HACE1: variants seen among roughly 807,000 people sequenced by gnomAD.
The protein encoded by HACE1 is E3 ubiquitin-protein ligase HACE1.
In HACE1, 73 loss-of-function variants were observed where a neutral mutation model predicts 118.4. The ratio of observed to expected loss-of-function variants is 0.62; its 90% CI spans 0.51 to 0.75. The LOEUF is 0.75. HACE1 is among the 30% of genes least tolerant of loss of function. HACE1 has a pLI of 0.00. For synonymous variants in HACE1, 368 were observed against 374.8 expected (o/e 0.98, Z 0.21); for missense variants, 749 against 1,102.2 (o/e 0.68, Z 4.54).
intron 19 of HACE1, 28 bp downstream of exon 19, chr6:104,771,165 T>C (rs767464194): frequency 4.0e-6 from 6 of 1,517,030 alleles, no homozygotes; most frequent in Admixed American, 1.7e-5. Context: ...TTACAAACAA[T>C]GGTTAAGGTA....
At chr6:104,752,232 A>C (rs1778138365) in intron 19 of HACE1, among the ~76,000 whole-genome samples, 1 of 152,206 alleles carries the variant, frequency 6.6e-6, no homozygotes, top group Non-Finnish European at 1.5e-5. Context: ...ATCAGCTACA[A>C]GTCACATACA....
At chr6:104,757,849 T>G (rs1778894333) in intron 19 of HACE1, among the ~76,000 whole-genome samples, 1 of 152,074 alleles carries the variant, frequency 6.6e-6, no homozygotes. Context: ...GAGAAGAGCT[T>G]AAATGACCTG....
At chr6:104,778,357 A>G (rs1204436057) in intron 14 of HACE1, among the ~76,000 whole-genome samples, 3 of 151,884 alleles carry the variant, frequency 2.0e-5, no homozygotes, top group Non-Finnish European at 4.4e-5. Context: ...AAGAGATGTG[A>G]CTAACACAGA....
At chr6:104,730,661 T>A in intron 22 of HACE1, 1 of 468,488 alleles carries the variant, frequency 2.1e-6, no homozygotes. Flanking sequence ...CCACAGCACA[T>A]ACCTCAATAT....
chr6:104,812,481 A>ATT (rs1359503040), intron 6 of HACE1, among the ~76,000 whole-genome samples: 2 of 152,160 alleles, frequency 1.3e-5, no homozygotes, highest in Non-Finnish European at 2.9e-5. Context: ...TTAGACGCTT[A>ATT]TTACTTCTGG....
intron 7 of HACE1, among the ~76,000 whole-genome samples, chr6:104,806,266 C>T (rs1293862872): frequency 1.3e-5 from 2 of 151,948 alleles, no homozygotes; most frequent in Non-Finnish European, 2.9e-5. Flanking sequence ...GTTGAAGACC[C>T]GCTTGGATGA....
intron 1 of HACE1, among the ~76,000 whole-genome samples, chr6:104,856,456 C>T (rs569394485): frequency 2.0e-5 from 3 of 150,272 alleles, no homozygotes; most frequent in Admixed American, 1.3e-4. Flanking sequence ...TTTTTTGAGA[C>T]TGAGTTTCGC....
chr6:104,852,494 A>C (rs1448367437), intron 1 of HACE1, 123 bp from the exon 2 acceptor site: 1 of 653,638 alleles, frequency 1.5e-6, no homozygotes, highest in Non-Finnish European at 2.8e-6. Context: ...GAAGGAGGAA[A>C]GAATAATGCA....
intron 5 of HACE1, among the ~76,000 whole-genome samples, chr6:104,835,315 A>G (rs920848844): frequency 6.6e-6 from 1 of 152,220 alleles, no homozygotes; most frequent in African/African-American, 2.4e-5. Context: ...ATTTTTTTAA[A>G]GCAAAAAGTA....
chr6:104,751,511 C>G (rs771548710), intron 19 of HACE1, among the ~76,000 whole-genome samples: 11 of 152,074 alleles, frequency 7.2e-5, no homozygotes, highest in Non-Finnish European at 1.3e-4. Context: ...TGCCTGTACT[C>G]CTAGTTACTA....
chr6:104,774,080 CTTTTTTTTTTTTTT>C lies in HACE1; in HGVS notation c.1865-2020_1865-2007del, dbSNP rs540039211. Among the ~76,000 whole-genome samples, 8 of 74,844 alleles carry C rather than the reference CTTTTTTTTTTTTTT, an allele frequency of 1.1e-4. 1 individual carries two copies. Among genetic ancestry groups the C allele is most frequent in the African/African-American group, 5.6e-4 (7 of 12,576 alleles). The allele number at this position is 74,844 out of a possible 152,430, so 49.1% of individuals were successfully genotyped here. On this transcript the variant is annotated intron_variant, in intron 17 of 23. Transcript: ENST00000262903. ...CAAAAAATAGGTTATCATCTTTTCT[CTTTTTTTTTTTTTT>C]TTTTTTTTTTTTTGAGACGGAGTCT...
chr6:104,772,396 T>G (rs1343114000), intron 17 of HACE1, among the ~76,000 whole-genome samples: 2 of 151,994 alleles, frequency 1.3e-5, no homozygotes, highest in Non-Finnish European at 2.9e-5. Context: ...CATATACACA[T>G]ACACATACAC....
chr6:104,737,478 G>C (rs1209477932), intron 22 of HACE1, among the ~76,000 whole-genome samples: 1 of 152,094 alleles, frequency 6.6e-6, no homozygotes, highest in Non-Finnish European at 1.5e-5. Flanking sequence ...TGCGCACCGT[G>C]CGCGAGCCGA....
chr6:104,737,616 C>G (rs1252764889), intron 22 of HACE1, among the ~76,000 whole-genome samples: 1 of 152,192 alleles, frequency 6.6e-6, no homozygotes, highest in Non-Finnish European at 1.5e-5. Flanking sequence ...CTGCGCTTTT[C>G]CGATGGGCTT....
At chr6:104,798,098 A>G (rs1289703269) in intron 7 of HACE1, among the ~76,000 whole-genome samples, 1 of 151,888 alleles carries the variant, frequency 6.6e-6, no homozygotes, top group African/African-American at 2.4e-5. Context: ...GAAAGAAAGA[A>G]AAGAGAAGAA....
chr6:104,742,161 C>G (rs375652257), intron 22 of HACE1, among the ~76,000 whole-genome samples: 3,529 of 111,214 alleles, frequency 0.032, 260 homozygotes, highest in African/African-American at 0.099. Flanking sequence ...AAAATCAATT[C>G]AAGATGGATT....
At chr6:104,763,503 GTTGT>G (rs1562315541) in intron 19 of HACE1, among the ~76,000 whole-genome samples, 1 of 151,928 alleles carries the variant, frequency 6.6e-6, no homozygotes, top group South Asian at 2.1e-4. Flanking sequence ...ACAATCTGTG[GTTGT>G]TTGACATCAC....
chr6:104,859,766 C>G lies in HACE1; in HGVS notation c.-124G>C, dbSNP rs1777137087. On this transcript the variant is annotated 5_prime_UTR_variant, in exon 1 of 24. Coordinates refer to ENST00000262903, the MANE Select transcript of HACE1 (RefSeq NM_020771.4). Reference sequence around the variant, plus strand: ...AGACGCGGGCTTGCCCCGGCTAGAGCACTGAGCTGCGAGGGCTGCCTGGGG... The same window carrying G: ...AGACGCGGGCTTGCCCCGGCTAGAGGACTGAGCTGCGAGGGCTGCCTGGGG... 1 of 900,050 alleles carries G rather than the reference C, an allele frequency of 1.1e-6. No homozygotes were observed. The highest frequency in any genetic ancestry group is 1.6e-6 in the Non-Finnish European group (1 of 607,056). The allele number at this position is 900,050 out of a possible 1,614,324, so 55.8% of individuals were successfully genotyped here.
At chr6:104,761,230 C>T (rs1284713581) in intron 19 of HACE1, among the ~76,000 whole-genome samples, 8 of 152,024 alleles carry the variant, frequency 5.3e-5, no homozygotes, top group African/African-American at 1.9e-4. Flanking sequence ...AAAAAGAGCC[C>T]GCATAGCCAT....
Sources: allele counts gnomAD v4.1 joint callset (sites outside exome capture counted in the v4.1 genomes callset), GRCh38; gene constraint gnomAD v4.1.1; transcripts MANE v1.5; gene names NCBI Gene and HGNC (gene_info 2026-07-23, HGNC 2026-07-21).